The following PAPLN variants were observed in gnomAD, a reference collection of about 807,000 sequenced individuals.
PAPLN encodes papilin, proteoglycan like sulfated glycoprotein, also known as papilin.
Under a neutral mutation model 159.0 loss-of-function variants are expected in PAPLN, and 146 were observed. The ratio of observed to expected loss-of-function variants is 0.92; its 90% CI spans 0.80 to 1.05. The LOEUF is 1.05. Among genes scored for constraint, PAPLN ranks in the 50% least tolerant of loss-of-function variants. The probability of loss-of-function intolerance (pLI) is 0.00; values close to 1 mark genes in which losing one functional copy is unlikely to be tolerated. For synonymous variants in PAPLN, 734 were observed against 702.9 expected (o/e 1.04, Z -0.70); for missense variants, 1,720 against 1,743.9 (o/e 0.99, Z 0.24).
upstream of PAPLN, among the ~76,000 whole-genome samples, chr14:73,237,122 G>C (rs1313707896): frequency 6.6e-6 from 1 of 152,186 alleles, no homozygotes; most frequent in East Asian, 1.9e-4. Context: ...AGCGTGTGCG[G>C]AGAAACTCAG....
At position 73,265,378 on chromosome 14, in the gene PAPLN, T is replaced by C. The variant is rs777875962; in HGVS notation, c.3134T>C (p.Leu1045Ser). The change falls in exon 23 of 27, where the codon TTG becomes TCG. Residue 1045 changes from leucine (L) to serine (S), a missense_variant. Leu to Ser is a moderately radical substitution (Grantham distance 145, BLOSUM62 -2). Coordinates refer to ENST00000644200, the MANE Select transcript of PAPLN (RefSeq NM_001365906.3). The surrounding 1 kb of genome is among the most constrained non-coding windows in gnomAD (Gnocchi z 4.1). ...SHPQPANRLR[L>S]DQNQPRVVDA... ...GGCTGCTTGTTTGGCAGGCTGCGTT[T>C]GGACCAGAACCAGCCCCGGGTGGTG... 1 of 1,609,938 alleles carries C rather than the reference T, an allele frequency of 6.2e-7. No homozygotes were observed. Among genetic ancestry groups the C allele is most frequent in the East Asian group, 2.2e-5 (1 of 44,882 alleles).
chr14:73,251,301 G>A (rs1885226509), intron 7 of PAPLN, among the ~76,000 whole-genome samples, 185 bp from the exon 8 acceptor site: 1 of 152,072 alleles, frequency 6.6e-6, no homozygotes, highest in Non-Finnish European at 1.5e-5. Context: ...GAGCCTTCCC[G>A]CCACCCTGGC....
In PAPLN at chr14:73,250,113, G is replaced by A. The variant is rs772660392; in HGVS notation, c.464G>A (p.Arg155Gln). 6.9e-6 allele frequency: 11 copies of A among 1,605,580 alleles called. No individual in the cohort carries two copies. Among genetic ancestry groups the A allele is most frequent in the East Asian group, 6.7e-5 (3 of 44,678 alleles). ...KRDVCVDGSC[R>Q]VVGCDHELDS... ...GATGTCTGTGTGGATGGCAGCTGCC[G>A]GGTGAGTGGTGCCCCAGCCCCTCCC... Residue 155 changes from arginine (R) to glutamine (Q), a missense_variant and splice_region_variant, in exon 6 of 27, where the codon CGG becomes CAG. Transcript: ENST00000644200.
intron 2 of PAPLN, among the ~76,000 whole-genome samples, chr14:73,240,033 GC>G (rs1483108990): frequency 6.6e-6 from 1 of 152,348 alleles, no homozygotes; most frequent in South Asian, 2.1e-4. Context: ...AGAACTGCCC[GC>G]CCGGCTGCAG....
chr14:73,249,695 A>T, intron 5 of PAPLN: 1 of 160,586 alleles, frequency 6.2e-6, no homozygotes, highest in Non-Finnish European at 1.3e-5. Flanking sequence ...AAAAAAAAAA[A>T]GTAGCCTGTT....
intron 14 of PAPLN, among the ~76,000 whole-genome samples, chr14:73,257,485 C>G (rs1886049639): frequency 6.6e-6 from 1 of 151,938 alleles, no homozygotes; most frequent in Non-Finnish European, 1.5e-5. Context: ...TCTACTTATC[C>G]ATTTGCATTT....
In PAPLN at chr14:73,245,779, G is replaced by C. The variant is rs1884180389; in HGVS notation, c.231+83G>C. On this transcript the variant is annotated intron_variant, in intron 4 of 26. Transcript: ENST00000644200. The surrounding 1 kb of genome is among the most constrained non-coding windows in gnomAD (Gnocchi z 4.2). ...TTCCCCATTGGGATGCCCGCTCCTG[G>C]CCGCGGGCTGCTGGGTTGGCCCAGC... is the stretch of plus-strand genomic sequence containing the variant. The C allele has an allele frequency of 6.7e-7, 1 of 1,496,014 alleles. No individual in the cohort carries two copies. Among genetic ancestry groups the C allele is most frequent in the Admixed American group, 2.0e-5 (1 of 49,990 alleles). The allele number at this position is 1,496,014 out of a possible 1,614,324, so 92.7% of individuals were successfully genotyped here.
chr14:73,264,646 C>T lies in PAPLN; in HGVS notation c.3045C>T (p.Asp1015=), dbSNP rs1208500432. 6.2e-7 allele frequency: 1 copy of T among 1,605,712 alleles called. No homozygotes were observed. Among genetic ancestry groups the T allele is most frequent in the African/African-American group, 1.3e-5 (1 of 74,278 alleles). Residue 1015 remains aspartate (D), a synonymous_variant, in exon 22 of 27, where the codon GAC becomes GAT. Coordinates refer to ENST00000644200, the MANE Select transcript of PAPLN (RefSeq NM_001365906.3). ...AELSRFPQPR[D]PAQDFGQAGA... is the part of the protein sequence containing the mutation. ...TGAGCCGCTTCCCTCAGCCCAGGGA[C>T]CCAGCTCAGGACTTTGGCCAAGCGG...
intron 15 of PAPLN, 76 bp from the exon 16 acceptor site, chr14:73,259,193 G>T: frequency 6.6e-7 from 1 of 1,523,832 alleles, no homozygotes; most frequent in Non-Finnish European, 8.8e-7. Flanking sequence ...ACGGAGGAAG[G>T]TGGGTCCAAC....
intron 22 of PAPLN, 133 bp downstream of exon 22, chr14:73,264,859 C>G: frequency 7.1e-7 from 1 of 1,417,438 alleles, no homozygotes; most frequent in Non-Finnish European, 9.6e-7. Context: ...GGAGGCCAGG[C>G]CTAGAAAAAC....
At chr14:73,260,100 TCAGA>T (rs1290765009) in intron 16 of PAPLN, among the ~76,000 whole-genome samples, 1 of 152,116 alleles carries the variant, frequency 6.6e-6, no homozygotes, top group Admixed American at 6.5e-5. Flanking sequence ...AGTTCCCAGC[TCAGA>T]CACTCACCGG....
intron 5 of PAPLN, among the ~76,000 whole-genome samples, chr14:73,246,530 GTC>G (rs975047018): frequency 2.0e-5 from 3 of 150,738 alleles, no homozygotes; most frequent in Non-Finnish European, 2.9e-5. Context: ...AGAGCAAGAG[GTC>G]TCTCTTTTTC....
At chr14:73,249,229 T>G (rs1035738583) in intron 5 of PAPLN, among the ~76,000 whole-genome samples, 2 of 152,248 alleles carry the variant, frequency 1.3e-5, no homozygotes, top group African/African-American at 4.8e-5. Flanking sequence ...ATTCTCTCCA[T>G]ATATGCTTAC....
chr14:73,250,078 T>C lies in PAPLN; in HGVS notation c.429T>C (p.Pro143=), dbSNP rs764198953. ...TGGTTGATGGGACGCCCTGCGAGCC[T>C]GGCAAGAGGGATGTCTGTGTGGATG... ...EAVVDGTPCE[P]GKRDVCVDGS... The change falls in exon 6 of 27, where the codon CCT becomes CCC. Residue 143 remains proline, a synonymous_variant. Coordinates refer to ENST00000644200, the MANE Select transcript of PAPLN (RefSeq NM_001365906.3). 1 of 1,612,286 alleles carries C rather than the reference T, an allele frequency of 6.2e-7. No homozygotes were observed. The highest frequency in any genetic ancestry group is 1.1e-5 in the South Asian group (1 of 90,650).
intron 3 of PAPLN, chr14:73,244,963 A>G: frequency 2.1e-6 from 1 of 481,734 alleles, no homozygotes; most frequent in South Asian, 2.7e-5. Flanking sequence ...GAGCTGGAGC[A>G]CGCGTGCTGC....
Position 73,262,556 on chromosome 14 carries a change from G to T in PAPLN, c.2452G>T (p.Ala818Ser). 1.9e-6 allele frequency: 3 copies of T among 1,567,526 alleles called. No homozygotes were observed. The highest frequency in any genetic ancestry group is 2.4e-5 in the East Asian group (1 of 42,294). Residue 818 changes from alanine to serine, a missense_variant, in exon 19 of 27, where the codon GCT becomes TCT. Coordinates refer to ENST00000644200, the MANE Select transcript of PAPLN (RefSeq NM_001365906.3). Reference sequence around the variant, plus strand: ...TGGGCCCCGTCGTCCCCAGCCTGGGGCTTCTGGAAGGAGCACCCACACGGA... The same window carrying T: ...TGGGCCCCGTCGTCCCCAGCCTGGGTCTTCTGGAAGGAGCACCCACACGGA... ...LHGPRRPQPGASGRSTHTDGG... is the reference protein window; with the variant it reads ...LHGPRRPQPGSSGRSTHTDGG...
At chr14:73,259,086 C>G (rs183472918) in intron 15 of PAPLN, 27 bp downstream of exon 15, 1 of 1,593,020 alleles carries the variant, frequency 6.3e-7, no homozygotes, top group African/African-American at 1.3e-5. Flanking sequence ...GTCCCCCACT[C>G]AGAGCCCTGT....
At chr14:73,269,156 C>G (rs1050855435) in intron 26 of PAPLN, among the ~76,000 whole-genome samples, 5 of 152,232 alleles carry the variant, frequency 3.3e-5, no homozygotes, top group Middle Eastern at 3.4e-3. Flanking sequence ...ACCATATAAC[C>G]CAGAAAGGAA....
In PAPLN at chr14:73,262,781, G is replaced by A; in HGVS notation, c.2677G>A (p.Gly893Arg). The A allele has an allele frequency of 1.3e-6, 2 of 1,501,702 alleles. No individual in the cohort carries two copies. Among genetic ancestry groups the A allele is most frequent in the Non-Finnish European group, 8.8e-7 (1 of 1,130,474 alleles). 93.0% of individuals were successfully genotyped at this position (1,501,702 alleles called of 1,614,324 possible). Residue 893 changes from glycine (G) to arginine (R), a missense_variant, in exon 19 of 27, where the codon GGA (glycine) becomes AGA (arginine). Physicochemically the swap from Gly to Arg is moderately radical, Grantham distance 125. Coordinates refer to ENST00000644200, the MANE Select transcript of PAPLN (RefSeq NM_001365906.3). The stretch of plus-strand genomic sequence containing the variant: ...TGGGTCCAGGGCCCCTGGACTGGGT[G>A]GAGATGCCGGATCACCAGCGCCACC... ...ELGSRAPGLG[G>R]DAGSPAPPFH...
Sources: gnomAD v4.1 joint callset for allele counts (sites outside exome capture counted in the v4.1 genomes callset) on GRCh38, gnomAD v4.1.1 for gene constraint, Gnocchi (gnomAD v3.1) non-coding constraint, MANE v1.5 for transcripts, NCBI Gene and HGNC (gene_info 2026-07-23, HGNC 2026-07-21) for gene names.